Variants in NRP1 observed in about 807,000 individuals in gnomAD.
NRP1 encodes neuropilin 1, also known as neuropilin-1.
Under a neutral mutation model 106.7 loss-of-function variants are expected in NRP1, and 35 were observed. That is an observed-to-expected ratio of 0.33 (90% CI 0.25 to 0.43). The LOEUF is 0.43. NRP1 is among the 20% of genes least tolerant of loss of function. The pLI, the probability that NRP1 is intolerant of heterozygous loss-of-function variation, is 1.00. For missense variants in NRP1, 1,024 were observed against 1,170.4 expected (o/e 0.87, Z 1.83); for synonymous variants, 437 against 417.9 (o/e 1.05, Z -0.56).
At chr10:33,319,171 A>AT (rs1415519749) in intron 2 of NRP1, among the ~76,000 whole-genome samples, 1 of 150,988 alleles carries the variant, frequency 6.6e-6, no homozygotes, top group African/African-American at 2.4e-5. Flanking sequence ...TGCCAGGCTA[A>AT]TTTTTTTGTA....
At chr10:33,278,255 T>C (rs966565573) in intron 2 of NRP1, among the ~76,000 whole-genome samples, 2 of 152,116 alleles carry the variant, frequency 1.3e-5, no homozygotes, top group Non-Finnish European at 2.9e-5. Flanking sequence ...CCTTCGCCAA[T>C]CTTATCACCC....
At chr10:33,211,664 C>A (rs533184679) in intron 9 of NRP1, 1 of 152,186 alleles carries the variant, frequency 6.6e-6, no homozygotes, top group East Asian at 1.9e-4. Context: ...TTCCTTGGAG[C>A]CTTCACATCT....
rs779527944 is a variant in NRP1, at chr10:33,256,332, C to G, written c.798G>C (p.Gln266His). The G allele has an allele frequency of 6.2e-7, 1 of 1,614,082 alleles. No individual in the cohort carries two copies. Among genetic ancestry groups the G allele is most frequent in the Non-Finnish European group, 8.5e-7 (1 of 1,180,028 alleles). Residue 266 changes from glutamine to histidine, a missense_variant, in exon 5 of 17, where the codon CAG becomes CAC. This residue lies in a region of NRP1 where 6 missense variants were observed against 26.6 expected (regional missense o/e 0.23). Coordinates refer to ENST00000374867, the MANE Select transcript of NRP1 (RefSeq NM_003873.7). ...AACACTGACCTTCTGAGACACTGCTCTGCAAGACACTGTAGTTTGCTGAGA... is the reference window on the plus strand; with the variant it reads ...AACACTGACCTTCTGAGACACTGCTGTGCAAGACACTGTAGTTTGCTGAGA... ...EGFSANYSVL[Q>H]SSVSEDFKCM...
chr10:33,194,864 G>C (rs973362589), intron 12 of NRP1: 7 of 452,814 alleles, frequency 1.5e-5, no homozygotes, highest in Non-Finnish European at 4.5e-6. Flanking sequence ...AGGAGAAAGG[G>C]AGAGAGAAAA....
At chr10:33,196,868 C>T (rs74776225) in intron 12 of NRP1, among the ~76,000 whole-genome samples, 1,912 of 152,242 alleles carry the variant, frequency 0.013, 37 homozygotes, top group African/African-American at 0.043. Flanking sequence ...ACTGAGTGAG[C>T]TTCAATAGAG....
At chr10:33,196,565 A>G (rs1393318653) in intron 12 of NRP1, among the ~76,000 whole-genome samples, 1 of 152,190 alleles carries the variant, frequency 6.6e-6, no homozygotes, top group Non-Finnish European at 1.5e-5. Flanking sequence ...CATTTTCTGA[A>G]TTTAGGCAGT....
chr10:33,321,466 A>G (rs1320129128), intron 2 of NRP1, among the ~76,000 whole-genome samples: 1 of 152,162 alleles, frequency 6.6e-6, no homozygotes, highest in East Asian at 1.9e-4. Context: ...AAAACAGCCT[A>G]ATCTCTTATC....
chr10:33,213,157 C>A, intron 9 of NRP1: 1 of 1,214,020 alleles, frequency 8.2e-7, no homozygotes, highest in Non-Finnish European at 1.1e-6. Flanking sequence ...ATCCCTACAG[C>A]CAGGGAATGG....
In NRP1 at chr10:33,213,222, A is replaced by T. The variant is rs574488263; in HGVS notation, c.1614+164T>A. ...TCTCAGACATCACTTTTCATGCCAT[A>T]TTCCTGTCTTCCTAGAATCAAGGGT... On this transcript the variant is annotated intron_variant, in intron 9 of 16. Transcript: ENST00000374867. The T allele has an allele frequency of 5.8e-6, 9 of 1,557,110 alleles. 3 individuals are homozygous for T. The Admixed American group carries it at 1.7e-4, about 30-fold the overall frequency.
chr10:33,215,470 C>A (rs1838685016), intron 8 of NRP1, among the ~76,000 whole-genome samples: 1 of 152,172 alleles, frequency 6.6e-6, no homozygotes, highest in Non-Finnish European at 1.5e-5. Context: ...AGCTTCTGAG[C>A]ACAAGGAGAG....
chr10:33,258,441 A>G (rs1842348487), intron 4 of NRP1, among the ~76,000 whole-genome samples: 1 of 152,168 alleles, frequency 6.6e-6, no homozygotes, highest in South Asian at 2.1e-4. Flanking sequence ...CCCTCCAGGC[A>G]CCACACAGTT....
intron 2 of NRP1, among the ~76,000 whole-genome samples, chr10:33,317,692 AAAG>A (rs200120335): frequency 0.051 from 7,757 of 152,250 alleles, 306 homozygotes; most frequent in Non-Finnish European, 0.067. Context: ...AGCACACATG[AAAG>A]AATAATTTTT....
chr10:33,314,067 C>G (rs1473943462), intron 2 of NRP1, among the ~76,000 whole-genome samples: 7 of 142,186 alleles, frequency 4.9e-5, no homozygotes, highest in Non-Finnish European at 9.2e-5. Context: ...TTCCTCCCTC[C>G]CTCCCTCCCT....
chr10:33,332,835 C>T lies in NRP1; in HGVS notation c.73+1475G>A, dbSNP rs1848378835. Among the ~76,000 whole-genome samples, 4 of 152,012 alleles carry T rather than the reference C, an allele frequency of 2.6e-5. No individual in the cohort carries two copies. In the South Asian group the frequency reaches 8.3e-4, roughly 32 times the overall value. On this transcript the variant is annotated intron_variant, in intron 1 of 16. Transcript: ENST00000374867. ...GCTGGTAAAGCTCAACAACTAAAGC[C>T]AGATTTTCAGCATTCCCCAGATTTC...
At chr10:33,315,263 GT>G (rs1301543714) in intron 2 of NRP1, among the ~76,000 whole-genome samples, 2 of 152,206 alleles carry the variant, frequency 1.3e-5, no homozygotes, top group Non-Finnish European at 2.9e-5. Context: ...AAAAATAGAG[GT>G]TTTTAGGGGG....
chr10:33,286,703 T>C (rs1844590409), intron 2 of NRP1, among the ~76,000 whole-genome samples: 1 of 152,130 alleles, frequency 6.6e-6, no homozygotes, highest in African/African-American at 2.4e-5. Flanking sequence ...GACTTTTCTT[T>C]TACAAACTGG....
intron 1 of NRP1, 116 bp downstream of exon 1, chr10:33,334,194 G>T: frequency 2.2e-6 from 2 of 889,192 alleles, no homozygotes; most frequent in South Asian, 1.6e-5. Flanking sequence ...AGTTTCCTTC[G>T]CCCGGGAGTC....
intron 2 of NRP1, among the ~76,000 whole-genome samples, chr10:33,286,637 A>C (rs760927806): frequency 3.3e-5 from 5 of 152,168 alleles, no homozygotes; most frequent in Non-Finnish European, 7.3e-5. Flanking sequence ...CATTTTCCAC[A>C]TCTATTTTGA....
intron 6 of NRP1, among the ~76,000 whole-genome samples, chr10:33,232,714 C>G (rs575613453): frequency 7.0e-6 from 1 of 142,556 alleles, no homozygotes; most frequent in African/African-American, 2.6e-5. Flanking sequence ...GAGATCTCAG[C>G]TAACTGCAAC....
Sources: allele counts gnomAD v4.1 joint callset (sites outside exome capture counted in the v4.1 genomes callset), GRCh38; gene constraint gnomAD v4.1.1; regional missense constraint gnomAD v4.1.1; transcripts MANE v1.5; gene names NCBI Gene and HGNC (gene_info 2026-07-23, HGNC 2026-07-21).